Variants in DNAAF19 observed in about 807,000 individuals in gnomAD.
DNAAF19 encodes coiled-coil domain containing 103.
the DNAAF19 span, chr17:44,904,507 G>A: frequency 4.5e-6 from 7 of 1,549,834 alleles, no homozygotes; most frequent in South Asian, 8.3e-5. Flanking sequence ...TGCGGACCAA[G>A]GCCAGGGACC....
the DNAAF19 span, chr17:44,902,618 C>T: frequency 1.2e-6 from 2 of 1,614,086 alleles, no homozygotes; most frequent in Admixed American, 3.3e-5. Context: ...GGGCGCTTCA[C>T]CCTGAACCTA....
chr17:44,904,329 A>G, the DNAAF19 span: 5 of 1,543,286 alleles, frequency 3.2e-6, no homozygotes, highest in East Asian at 1.2e-4. Flanking sequence ...GGGCACCTCC[A>G]TGTCTTCACC....
the DNAAF19 span, chr17:44,900,840 A>G: frequency 1.5e-6 from 1 of 681,960 alleles, no homozygotes; most frequent in Non-Finnish European, 2.3e-6. Context: ...TGTAAAATAG[A>G]AAACCAGATT....
chr17:44,903,049 G>A, the DNAAF19 span: 1 of 1,389,758 alleles, frequency 7.2e-7, no homozygotes, highest in Non-Finnish European at 9.3e-7. Flanking sequence ...GAAGTTGAGA[G>A]CGGTTTTGTT....
chr17:44,904,146 G>A, the DNAAF19 span: 28 of 1,550,212 alleles, frequency 1.8e-5, no homozygotes, highest in East Asian at 4.4e-4. Context: ...TTCAGCATCC[G>A]CATGTTCAGC....
chr17:44,903,872 C>T, the DNAAF19 span: 3 of 1,367,810 alleles, frequency 2.2e-6, no homozygotes, highest in Non-Finnish European at 3.0e-6. Flanking sequence ...GGCATGGGGG[C>T]TCCAGGCCTT....
chr17:44,904,051 C>T, the DNAAF19 span: 6 of 1,550,530 alleles, frequency 3.9e-6, no homozygotes, highest in Admixed American at 3.9e-5. Flanking sequence ...TAGGTAGCAG[C>T]CACACCAAAG....
chr17:44,904,519 C>G, the DNAAF19 span: 1 of 1,550,244 alleles, frequency 6.5e-7, no homozygotes, highest in South Asian at 1.2e-5. Context: ...CCAGGGACCA[C>G]ACGCCTGAGG....
At chr17:44,901,718 T>G in the DNAAF19 span, 1 of 1,565,370 alleles carries the variant, frequency 6.4e-7, no homozygotes, top group Non-Finnish European at 8.7e-7. Flanking sequence ...TCCTGTTTTT[T>G]CATTTTGTTT....
the DNAAF19 span, chr17:44,901,710 C>CT: frequency 6.4e-7 from 1 of 1,574,160 alleles, no homozygotes; most frequent in Non-Finnish European, 8.6e-7. Flanking sequence ...AGCTTCAATC[C>CT]TGTTTTTTCA....
the DNAAF19 span, chr17:44,902,333 T>A: frequency 6.2e-7 from 1 of 1,614,014 alleles, no homozygotes; most frequent in Non-Finnish European, 8.5e-7. Context: ...CTGGAAGAGC[T>A]CCTGACTCCC....
the DNAAF19 span, chr17:44,903,872 C>CT: frequency 7.3e-7 from 1 of 1,367,810 alleles, no homozygotes; most frequent in Non-Finnish European, 9.9e-7. Flanking sequence ...GGCATGGGGG[C>CT]TCCAGGCCTT....
At chr17:44,902,408 G>A in the DNAAF19 span, 11 of 1,614,088 alleles carry the variant, frequency 6.8e-6, no homozygotes, top group African/African-American at 6.7e-5. Flanking sequence ...GACTTCTATC[G>A]TGATTGGCGA....
At chr17:44,900,439 T>C in the DNAAF19 span, among the ~76,000 whole-genome samples, 1 of 152,180 alleles carries the variant, frequency 6.6e-6, no homozygotes, top group East Asian at 1.9e-4. Flanking sequence ...GATTTGGGGA[T>C]GGGGTCATTG....
At chr17:44,902,223 C>T in the DNAAF19 span, 10 of 1,140,574 alleles carry the variant, frequency 8.8e-6, no homozygotes, top group Admixed American at 1.9e-5. Flanking sequence ...AAAATGAGGC[C>T]GCCAAGGACC....
At chr17:44,904,079 G>A in the DNAAF19 span, 1 of 1,550,618 alleles carries the variant, frequency 6.4e-7, no homozygotes, top group Admixed American at 2.0e-5. Flanking sequence ...GGACTTTGAT[G>A]GGCGGGTGCT....
the DNAAF19 span, chr17:44,901,227 G>A: frequency 1.1e-5 from 16 of 1,479,160 alleles, no homozygotes; most frequent in East Asian, 7.0e-5. Context: ...CTGGGCTTCA[G>A]TCCTGGCCCC....
At chr17:44,903,834 A>G in the DNAAF19 span, 1 of 1,549,470 alleles carries the variant, frequency 6.5e-7, no homozygotes, top group African/African-American at 1.4e-5. Context: ...TCAGGTATGC[A>G]CCTGGCCCTC....
At chr17:44,902,626 C>T in the DNAAF19 span, 1 of 1,614,196 alleles carries the variant, frequency 6.2e-7, no homozygotes, top group Non-Finnish European at 8.5e-7. Context: ...CACCCTGAAC[C>T]TAAGCCTGCT....
Sources: allele counts gnomAD v4.1 joint callset (sites outside exome capture counted in the v4.1 genomes callset), GRCh38; gene constraint gnomAD v4.1.1; transcripts MANE v1.5; gene names NCBI Gene and HGNC (gene_info 2026-07-23, HGNC 2026-07-21).